GPRASP3: variants seen among roughly 807,000 people sequenced by gnomAD.
GPRASP3 encodes G protein-coupled receptor associated sorting protein 3.
At chrX:102,747,008 GAGT>G in the GPRASP3 span, among the ~76,000 whole-genome samples, 1 of 111,833 alleles carries the variant, frequency 8.9e-6, no homozygotes, top group African/African-American at 3.3e-5. Context: ...TGTGGGTTCC[GAGT>G]AGAGGGGTAA....
At chrX:102,745,170 C>T in the GPRASP3 span, among the ~76,000 whole-genome samples, 1 of 110,986 alleles carries the variant, frequency 9.0e-6, no homozygotes, top group African/African-American at 3.3e-5. Context: ...CCATCCCTAC[C>T]TGGTGCCATC....
At chrX:102,745,934 G>T in the GPRASP3 span, 1 of 111,434 alleles carries the variant, frequency 9.0e-6, no homozygotes, top group Non-Finnish European at 1.9e-5. Context: ...CCTGAGAGGG[G>T]GGCGTCGAGC....
the GPRASP3 span, chrX:102,749,331 G>T: frequency 8.3e-7 from 1 of 1,211,940 alleles, no homozygotes; most frequent in Non-Finnish European, 1.1e-6. Context: ...CCTGGTTCTG[G>T]GCTGGGGAAG....
chrX:102,739,740 C>T, the GPRASP3 span, among the ~76,000 whole-genome samples: 2 of 111,455 alleles, frequency 1.8e-5, no homozygotes, highest in African/African-American at 6.5e-5. Context: ...TGTAAGAAAC[C>T]GGCAGCACTG....
the GPRASP3 span, among the ~76,000 whole-genome samples, chrX:102,730,080 T>A: frequency 1.1e-4 from 12 of 112,228 alleles, no homozygotes; most frequent in Non-Finnish European, 2.1e-4. Flanking sequence ...GAAATAATTA[T>A]ACAATTCACC....
the GPRASP3 span, among the ~76,000 whole-genome samples, chrX:102,723,034 C>A: frequency 9.0e-6 from 1 of 111,378 alleles, no homozygotes; most frequent in Non-Finnish European, 1.9e-5. Flanking sequence ...TGATGTATAT[C>A]TCAATTACAT....
chrX:102,749,407 G>C, the GPRASP3 span: 4 of 1,212,056 alleles, frequency 3.3e-6, no homozygotes, highest in Non-Finnish European at 4.5e-6. Flanking sequence ...CACTAAGAAT[G>C]ATAAACCTGA....
At chrX:102,750,159 T>G in the GPRASP3 span, 1 of 1,208,731 alleles carries the variant, frequency 8.3e-7, no homozygotes, top group South Asian at 1.8e-5. Context: ...CTGTAATTAC[T>G]CTGAATCCTC....
chrX:102,746,323 G>A, the GPRASP3 span: 1 of 112,432 alleles, frequency 8.9e-6, no homozygotes. Context: ...GACCCCTGGC[G>A]ATGGGGAGGC....
chrX:102,753,162 A>T, the GPRASP3 span: 2 of 122,423 alleles, frequency 1.6e-5, no homozygotes, highest in Non-Finnish European at 3.8e-5. Context: ...CAACCATGGG[A>T]CATTTTCTGA....
chrX:102,745,613 A>AG, the GPRASP3 span, among the ~76,000 whole-genome samples: 1 of 110,345 alleles, frequency 9.1e-6, no homozygotes, highest in Admixed American at 9.5e-5. Context: ...GGCTGGGGAG[A>AG]GGGAAGGGGC....
chrX:102,738,040 A>G, the GPRASP3 span, among the ~76,000 whole-genome samples: 4 of 111,836 alleles, frequency 3.6e-5, no homozygotes, highest in Non-Finnish European at 7.5e-5. Flanking sequence ...TATAAAAGAC[A>G]TAAGAGGCTA....
chrX:102,735,521 A>G, the GPRASP3 span, among the ~76,000 whole-genome samples: 2 of 107,205 alleles, frequency 1.9e-5, no homozygotes, highest in African/African-American at 6.9e-5. Context: ...TCTCTGCCTC[A>G]GCCTCCCCAG....
the GPRASP3 span, chrX:102,750,119 G>A: frequency 1.7e-6 from 2 of 1,209,285 alleles, no homozygotes; most frequent in Non-Finnish European, 2.2e-6. Flanking sequence ...AGCTTGCTCA[G>A]TTTTCCTTCC....
At chrX:102,727,736 A>G in the GPRASP3 span, among the ~76,000 whole-genome samples, 1 of 112,509 alleles carries the variant, frequency 8.9e-6, no homozygotes, top group Non-Finnish European at 1.9e-5. Context: ...AGCCCACTCC[A>G]TAATAGGAAT....
the GPRASP3 span, chrX:102,751,288 G>A: frequency 8.1e-6 from 1 of 123,686 alleles, no homozygotes; most frequent in Admixed American, 9.4e-5. Context: ...TCTCACAAAA[G>A]AGAAGGCAGG....
At chrX:102,745,507 A>G in the GPRASP3 span, among the ~76,000 whole-genome samples, 6 of 110,983 alleles carry the variant, frequency 5.4e-5, no homozygotes, top group African/African-American at 2.0e-4. Context: ...ACCACCCTAG[A>G]GGCCCAGGCT....
the GPRASP3 span, among the ~76,000 whole-genome samples, chrX:102,732,393 C>T: frequency 3.6e-5 from 4 of 109,794 alleles, no homozygotes; most frequent in Non-Finnish European, 7.6e-5. Context: ...TCTAGGGGTC[C>T]CCTGTAGAAG....
chrX:102,726,773 G>A, the GPRASP3 span, among the ~76,000 whole-genome samples: 1 of 112,508 alleles, frequency 8.9e-6, no homozygotes, highest in Non-Finnish European at 1.9e-5. Context: ...TCACAAGGGT[G>A]CACCTTCACA....
Sources: allele counts gnomAD v4.1 joint callset (sites outside exome capture counted in the v4.1 genomes callset), GRCh38; gene constraint gnomAD v4.1.1; transcripts MANE v1.5; gene names NCBI Gene and HGNC (gene_info 2026-07-23, HGNC 2026-07-21).